KANSL1: variants seen among roughly 807,000 people sequenced by gnomAD.
KANSL1 encodes the protein MLL1/MLL complex subunit KANSL1.
KANSL1 carries 22 observed loss-of-function variants against 103.6 expected under a neutral mutation model. The observed-to-expected ratio is 0.21, with a 90% confidence interval of 0.15 to 0.30. The LOEUF (loss-of-function observed/expected upper bound fraction) is 0.30. KANSL1 is among the 10% of genes least tolerant of loss of function. The probability of loss-of-function intolerance (pLI) is 1.00; values close to 1 mark genes in which losing one functional copy is unlikely to be tolerated. For synonymous variants in KANSL1, 600 were observed against 527.6 expected (o/e 1.14, Z -1.88); for missense variants, 1,337 against 1,399.8 (o/e 0.96, Z 0.72).
Position 46,062,355 on chromosome 17 carries a change from CT to C in KANSL1, c.1848+4181del, listed in dbSNP as rs34577730. ...AGAAGTACAAGTGATATAACAACAGCTTTTTTTTTTTTTTTTTTTTTTTAGA... is the reference window on the plus strand; with the variant it reads ...AGAAGTACAAGTGATATAACAACAGCTTTTTTTTTTTTTTTTTTTTTTAGA... On this transcript the variant is annotated intron_variant, in intron 6 of 14. Transcript: ENST00000432791. 7.5e-3 allele frequency among the ~76,000 whole-genome samples: 711 copies of C among 95,434 alleles called. 2 individuals carry two copies. The highest frequency in any genetic ancestry group is 8.9e-3 in the African/African-American group (218 of 24,504). The allele number at this position is 95,434 out of a possible 152,430, so 62.6% of individuals were successfully genotyped here.
At chr17:46,133,340 C>T (rs1360072485) in intron 2 of KANSL1, among the ~76,000 whole-genome samples, 2 of 152,156 alleles carry the variant, frequency 1.3e-5, no homozygotes, top group African/African-American at 4.8e-5. Context: ...ACCTTAGCTG[C>T]AATGATTTTA....
In KANSL1 at chr17:46,105,299, T is replaced by C. The variant is rs535568617; in HGVS notation, c.1290-10598A>G. 5.1e-4 allele frequency among the ~76,000 whole-genome samples: 77 copies of C among 152,346 alleles called. 1 individual carries two copies. The highest frequency in any genetic ancestry group is 1.7e-3 in the African/African-American group (72 of 41,580). On this transcript the variant is annotated intron_variant, in intron 2 of 14. Coordinates refer to ENST00000432791, the MANE Select transcript of KANSL1 (RefSeq NM_015443.4). ...GAGGTTAGAATGTTCAAATTCTGTATGTGATACTAATTTCTCTTTCAAAGA... is the reference window on the plus strand; with the variant it reads ...GAGGTTAGAATGTTCAAATTCTGTACGTGATACTAATTTCTCTTTCAAAGA...
intron 7 of KANSL1, chr17:46,040,200 T>C (rs1313976822): frequency 3.2e-5 from 12 of 372,592 alleles, no homozygotes; most frequent in Non-Finnish European, 5.8e-5. Flanking sequence ...GTTTCTATTC[T>C]AGAGATTTAA....
chr17:46,126,613 A>G (rs1203451637), intron 2 of KANSL1, among the ~76,000 whole-genome samples: 2 of 152,128 alleles, frequency 1.3e-5, no homozygotes, highest in Non-Finnish European at 2.9e-5. Context: ...TTTTTTCTTA[A>G]TAAGAACTGT....
In KANSL1 at chr17:46,152,379, C is replaced by A. The variant is rs543338000; in HGVS notation, c.1289+18476G>T. On this transcript the variant is annotated intron_variant, in intron 2 of 14. Transcript: ENST00000432791. ...CTTCTTAATAACTTACTTATAAAAACCTAAAACTATCAAGAAAACAACAGA... is the reference window on the plus strand; with the variant it reads ...CTTCTTAATAACTTACTTATAAAAAACTAAAACTATCAAGAAAACAACAGA... Among the ~76,000 whole-genome samples, 98 of 152,266 alleles carry A rather than the reference C, an allele frequency of 6.4e-4. 1 individual carries two copies. Among genetic ancestry groups the A allele is most frequent in the South Asian group, 5.0e-3 (24 of 4,832 alleles).
chr17:46,208,863 A>C (rs994508056), intron 1 of KANSL1, among the ~76,000 whole-genome samples: 3 of 150,800 alleles, frequency 2.0e-5, no homozygotes, highest in African/African-American at 7.3e-5. Context: ...AAAAAAAAAA[A>C]AAAAACCTTA....
intron 6 of KANSL1, among the ~76,000 whole-genome samples, chr17:46,056,634 C>G (rs765996699): frequency 5.9e-5 from 9 of 152,054 alleles, no homozygotes; most frequent in African/African-American, 2.2e-4. Context: ...CATCAAAGAT[C>G]TTGATTTCAA....
upstream of KANSL1, among the ~76,000 whole-genome samples, chr17:46,194,351 C>T (rs1402584590): frequency 6.6e-6 from 1 of 152,268 alleles, no homozygotes; most frequent in Admixed American, 6.5e-5. Context: ...TAAAGAAACA[C>T]AAGTCTCACA....
intron 4 of KANSL1, among the ~76,000 whole-genome samples, chr17:46,077,811 G>A (rs1234055147): frequency 1.3e-5 from 2 of 152,092 alleles, no homozygotes; most frequent in Non-Finnish European, 2.9e-5. Flanking sequence ...ACCCACCTCG[G>A]CCTCCCAAAG....
chr17:46,213,866 C>T (rs530575495), intron 1 of KANSL1, among the ~76,000 whole-genome samples: 4 of 151,760 alleles, frequency 2.6e-5, no homozygotes, highest in African/African-American at 4.8e-5. Flanking sequence ...TGCAGTGAGC[C>T]GAGACTGCGC....
intron 11 of KANSL1, among the ~76,000 whole-genome samples, 190 bp downstream of exon 11, chr17:46,033,971 T>C (rs1291434722): frequency 6.6e-6 from 1 of 152,188 alleles, no homozygotes; most frequent in Non-Finnish European, 1.5e-5. Context: ...GCTGGTTCGT[T>C]TGGTGTATTC....
At chr17:46,127,413 T>C (rs1363339990) in intron 2 of KANSL1, among the ~76,000 whole-genome samples, 1 of 152,240 alleles carries the variant, frequency 6.6e-6, no homozygotes, top group Non-Finnish European at 1.5e-5. Flanking sequence ...ACAACTCCTT[T>C]AGAATCTGGC....
At chr17:46,165,366 G>A (rs2147666359) in intron 2 of KANSL1, among the ~76,000 whole-genome samples, 1 of 152,252 alleles carries the variant, frequency 6.6e-6, no homozygotes, top group Non-Finnish European at 1.5e-5. Flanking sequence ...CCGAGTAGCT[G>A]GGACTACAGG....
At chr17:46,060,704 G>A (rs2078127053) in intron 6 of KANSL1, among the ~76,000 whole-genome samples, 1 of 152,166 alleles carries the variant, frequency 6.6e-6, no homozygotes, top group African/African-American at 2.4e-5. Flanking sequence ...CAACCATGGT[G>A]TCATGAAACT....
At chr17:46,064,261 A>G (rs2078293523) in intron 6 of KANSL1, among the ~76,000 whole-genome samples, 2 of 152,298 alleles carry the variant, frequency 1.3e-5, no homozygotes, top group South Asian at 4.1e-4. Flanking sequence ...GTACAACTGC[A>G]TACTAGAATA....
upstream of KANSL1, among the ~76,000 whole-genome samples, chr17:46,198,532 G>A (rs2047692534): frequency 1.3e-5 from 2 of 150,922 alleles, no homozygotes; most frequent in South Asian, 4.2e-4. Flanking sequence ...TGGAGTCTGA[G>A]ACCAGCCTGG....
At chr17:46,046,861 A>G (rs529398427) in intron 7 of KANSL1, among the ~76,000 whole-genome samples, 1 of 146,530 alleles carries the variant, frequency 6.8e-6, no homozygotes, top group African/African-American at 2.5e-5. Flanking sequence ...AAAAAAAAAG[A>G]ATTTTGAAAG....
At chr17:46,135,542 A>ATTTGTTTTT (rs2044090004) in intron 2 of KANSL1, among the ~76,000 whole-genome samples, 1 of 119,076 alleles carries the variant, frequency 8.4e-6, no homozygotes, top group African/African-American at 3.5e-5. Flanking sequence ...TCAACTATAC[A>ATTTGTTTTT]TTTTTTTTTT....
At chr17:46,203,560 G>A (rs1597962779) in intron 1 of KANSL1, among the ~76,000 whole-genome samples, 1 of 152,186 alleles carries the variant, frequency 6.6e-6, no homozygotes, top group African/African-American at 2.4e-5. Context: ...CTATGTGGTA[G>A]TCAAGAAAAA....
Sources: gnomAD v4.1 joint callset for allele counts (sites outside exome capture counted in the v4.1 genomes callset) on GRCh38, gnomAD v4.1.1 for gene constraint, MANE v1.5 for transcripts, NCBI Gene and HGNC (gene_info 2026-07-23, HGNC 2026-07-21) for gene names.